Variants in AKNA observed in about 807,000 individuals in gnomAD.
AKNA encodes microtubule organization protein AKNA.
AKNA carries 67 observed loss-of-function variants against 138.8 expected under a neutral mutation model. The ratio of observed to expected loss-of-function variants is 0.48; its 90% CI spans 0.40 to 0.59. The LOEUF (loss-of-function observed/expected upper bound fraction) is 0.59, where lower values mean the gene tolerates loss of function less well. Among genes scored for constraint, AKNA ranks in the 20% least tolerant of loss-of-function variants. The pLI is 0.00. For missense variants in AKNA, 1,813 were observed against 1,880.4 expected, an observed-to-expected ratio of 0.96 and a Z score of 0.66; for synonymous variants, 737 against 754.4, an observed-to-expected ratio of 0.98 and a Z score of 0.38.
intron 21 of AKNA, among the ~76,000 whole-genome samples, chr9:114,340,107 C>T (rs1449217804): frequency 6.6e-6 from 1 of 152,190 alleles, no homozygotes; most frequent in Admixed American, 6.5e-5. Flanking sequence ...TCAGAAAACA[C>T]ATATACATAA....
At chr9:114,332,683 A>C (rs118158426), downstream of AKNA, among the ~76,000 whole-genome samples, 1,279 of 152,178 alleles carry the variant, frequency 8.4e-3, 68 homozygotes, top group East Asian at 0.14. Context: ...CTTGATCCAC[A>C]GCCTGGCACC....
At chr9:114,384,525 C>T (rs1318468820) in intron 1 of AKNA, among the ~76,000 whole-genome samples, 1 of 152,216 alleles carries the variant, frequency 6.6e-6, no homozygotes, top group African/African-American at 2.4e-5. Context: ...GACAGTAGAT[C>T]AATCTCCCCC....
In AKNA at chr9:114,355,933, G is replaced by A; in HGVS notation, c.3050C>T (p.Ala1017Val). 6.2e-7 allele frequency: 1 copy of A among 1,614,064 alleles called. No homozygotes were observed. The highest frequency in any genetic ancestry group is 8.5e-7 in the Non-Finnish European group (1 of 1,180,002). The change falls in exon 14 of 22, where the codon GCC becomes GTC. Residue 1017 changes from alanine (A) to valine (V), a missense_variant. By Grantham distance (64) the Ala-to-Val change is moderately conservative. Transcript: ENST00000374088. ...PNFSLERTLA[A>V]EMAVPGSEFE... is the part of the protein sequence containing the mutation. ...CAGACTCCTGCACTCACCCATCTCGGCTGCCAGTGTCCGCTCCAGGCTGAA... is the reference window on the plus strand; with the variant it reads ...CAGACTCCTGCACTCACCCATCTCGACTGCCAGTGTCCGCTCCAGGCTGAA...
intron 4 of AKNA, among the ~76,000 whole-genome samples, chr9:114,369,009 A>C: frequency 6.6e-6 from 1 of 152,380 alleles, no homozygotes; most frequent in Middle Eastern, 3.4e-3. Context: ...AATATACCAT[A>C]TAACATATAA....
chr9:114,362,003 G>A (rs898689010), intron 8 of AKNA, 92 bp from the exon 9 acceptor site: 2 of 1,344,558 alleles, frequency 1.5e-6, no homozygotes, highest in South Asian at 2.5e-5. Context: ...GACTCCAGGG[G>A]ATGCCCCCTT....
chr9:114,377,279 T>C lies in AKNA; in HGVS notation c.528A>G (p.Glu176=). ...CAGAAAGTTTGTCCCCACTGGCTTG[T>C]TCGCCAGAAGCCACCCAGCCCCTGG... ...GQARGWVASG[E]QASGDKLSEH... The change falls in exon 3 of 22, where the codon GAA becomes GAG. Residue 176 remains glutamate, a synonymous_variant. Coordinates refer to ENST00000374088, the MANE Select transcript of AKNA (RefSeq NM_001317950.2). 1 of 1,614,180 alleles carries C rather than the reference T, an allele frequency of 6.2e-7. No individual in the cohort carries two copies. The highest frequency in any genetic ancestry group is 1.1e-5 in the South Asian group (1 of 91,088).
At chr9:114,333,898 G>A (rs1407287880), downstream of AKNA, among the ~76,000 whole-genome samples, 34 of 150,184 alleles carry the variant, frequency 2.3e-4, 1 homozygote, top group African/African-American at 8.3e-4. Context: ...TGTTGGAGGC[G>A]GGTCCTGCTG....
intron 14 of AKNA, 68 bp from the exon 15 acceptor site, chr9:114,351,089 A>T: frequency 1.3e-6 from 2 of 1,498,342 alleles, no homozygotes; most frequent in Non-Finnish European, 1.8e-6. Flanking sequence ...ACACTTGTGC[A>T]GGTGGAATGA....
chr9:114,355,754 G>A (rs1034765444), intron 14 of AKNA, among the ~76,000 whole-genome samples, 171 bp downstream of exon 14: 6 of 152,192 alleles, frequency 3.9e-5, no homozygotes, highest in African/African-American at 1.4e-4. Flanking sequence ...AGCACTGATG[G>A]TTTCCAGAGT....
chr9:114,368,470 C>A lies in AKNA; in HGVS notation c.1542G>T (p.Pro514=), dbSNP rs760908295. ...CCGCAGAGGCCTGGGGGTCCTCGGC[C>A]GGGCCCGGCCACCACTCTGCAGAGC... ...QPRSAEWWPG[P]AEDPQASAAS... is the part of the protein sequence containing the mutation. The change falls in exon 5 of 22, where the codon CCG becomes CCT. Residue 514 remains proline (P), a synonymous_variant. Transcript: ENST00000374088. 1.6e-6 allele frequency: 2 copies of A among 1,282,332 alleles called. No homozygotes were observed. The highest frequency in any genetic ancestry group is 1.6e-5 in the African/African-American group (1 of 64,444). The allele number at this position is 1,282,332 out of a possible 1,614,324, so 79.4% of individuals were successfully genotyped here.
Position 114,348,164 on chromosome 9 carries a change from T to C in AKNA, c.3222-264A>G, listed in dbSNP as rs377090171. On this transcript the variant is annotated intron_variant, in intron 15 of 21. Transcript: ENST00000374088. ...CTCTTCCTAACACATGGGGTCTGAGTGGCTGTTCAGGAACACCAGTGACAA... is the reference window on the plus strand; with the variant it reads ...CTCTTCCTAACACATGGGGTCTGAGCGGCTGTTCAGGAACACCAGTGACAA... Among the ~76,000 whole-genome samples the C allele has an allele frequency of 1.3e-3, 194 of 152,272 alleles. 1 individual carries two copies. Among genetic ancestry groups the C allele is most frequent in the African/African-American group, 4.3e-3 (180 of 41,534 alleles).
intron 2 of AKNA, among the ~76,000 whole-genome samples, chr9:114,380,116 A>C (rs571976370): frequency 7.2e-5 from 11 of 152,138 alleles, no homozygotes; most frequent in Non-Finnish European, 1.6e-4. Flanking sequence ...ATGCCACTGC[A>C]CTCCAGCCTG....
chr9:114,387,715 A>G (rs1834139583), intron 1 of AKNA, 145 bp downstream of exon 1: 1 of 214,686 alleles, frequency 4.7e-6, no homozygotes, highest in Non-Finnish European at 1.0e-5. Context: ...GGATCCCCTA[A>G]GCCAAGAGAA....
chr9:114,357,896 C>A, intron 12 of AKNA, 25 bp downstream of exon 12: 2 of 1,593,106 alleles, frequency 1.3e-6, no homozygotes, highest in Non-Finnish European at 1.7e-6. Flanking sequence ...AGGTTCTGGG[C>A]CCATTCCCCC....
chr9:114,364,521 T>A (rs373554312), intron 7 of AKNA, 39 bp downstream of exon 7: 17 of 1,606,610 alleles, frequency 1.1e-5, no homozygotes, highest in African/African-American at 2.7e-5. Context: ...ACAGTGGTTG[T>A]CTGGCAGTTC....
chr9:114,373,566 TAGA>T lies in AKNA; in HGVS notation c.1416+524_1416+526del, dbSNP rs1832950848. 2.0e-5 allele frequency among the ~76,000 whole-genome samples: 3 copies of T among 152,038 alleles called. No individual in the cohort carries two copies. In the South Asian group the frequency reaches 6.2e-4, roughly 32 times the overall value. ...AGGTGGTCTTACTCCAGAACCCATC[TAGA>T]AGGAGAGAGATTCTCATGAAATTCC... On this transcript the variant is annotated intron_variant, in intron 4 of 21. Coordinates refer to ENST00000374088, the MANE Select transcript of AKNA (RefSeq NM_001317950.2).
chr9:114,395,982 G>A (rs1156924536), upstream of AKNA, among the ~76,000 whole-genome samples: 1 of 152,128 alleles, frequency 6.6e-6, no homozygotes, highest in African/African-American at 2.4e-5. Flanking sequence ...TCGTCAAGTG[G>A]CTTTACCTCT....
chr9:114,356,245 T>TAACTTTGC (rs1831498988), intron 13 of AKNA, 109 bp from the exon 14 acceptor site: 1 of 983,404 alleles, frequency 1.0e-6, no homozygotes, highest in Non-Finnish European at 1.5e-6. Flanking sequence ...CCACCCTTTG[T>TAACTTTGC]AACTTTGCAT....
In AKNA at chr9:114,356,007, CTG is replaced by C. The variant is rs1205192816; in HGVS notation, c.2974_2975del (p.Gln992GlufsTer35). On this transcript the variant is annotated frameshift_variant, in exon 14 of 22. Transcript: ENST00000374088. LOFTEE classifies it high-confidence loss of function. Reference protein sequence around the residue: ...TEPSTPRSQAQRYLSSPSGPL... With the variant: ...TEPSTPRSQAXRYLSSPSGPL... ...GCCCACTTGGGCTGGAGAGGTACCT[CTG>C]TGCTTGGCTCCGGGGTGTGCTGGGC... is the stretch of plus-strand genomic sequence containing the variant. The C allele has an allele frequency of 6.2e-7, 1 of 1,614,078 alleles. No homozygotes were observed. The highest frequency in any genetic ancestry group is 8.5e-7 in the Non-Finnish European group (1 of 1,180,038).
Sources: gnomAD v4.1 joint callset for allele counts (sites outside exome capture counted in the v4.1 genomes callset) on GRCh38, gnomAD v4.1.1 for gene constraint, MANE v1.5 for transcripts, NCBI Gene and HGNC (gene_info 2026-07-23, HGNC 2026-07-21) for gene names.